The following TTC23L variants were observed in gnomAD, a reference collection of about 807,000 sequenced individuals.
TTC23L encodes tetratricopeptide repeat protein 23-like.
TTC23L carries 42 observed loss-of-function variants against 48.1 expected under a neutral mutation model. That is an observed-to-expected ratio of 0.87 (90% CI 0.68 to 1.13). TTC23L has a LOEUF of 1.13. Ranked by LOEUF, TTC23L falls within the 50% of genes most tolerant of loss-of-function variation. The probability of loss-of-function intolerance (pLI) is 0.00; values close to 1 mark genes in which losing one functional copy is unlikely to be tolerated. For missense variants in TTC23L, 391 were observed against 421.0 expected (o/e 0.93, Z 0.62); for synonymous variants, 159 against 157.2 (o/e 1.01, Z -0.09).
the TTC23L span, among the ~76,000 whole-genome samples, chr5:34,912,635 T>A: frequency 6.6e-6 from 1 of 152,210 alleles, no homozygotes; most frequent in Admixed American, 6.5e-5. Context: ...CTTAGTTTTA[T>A]ACCCACAGCA....
At chr5:34,911,757 C>T in the TTC23L span, 2 of 1,614,152 alleles carry the variant, frequency 1.2e-6, no homozygotes, top group South Asian at 2.2e-5. Context: ...CTTCCAGGAA[C>T]AGCATCAAAG....
the TTC23L span, chr5:34,917,995 T>G: frequency 6.4e-6 from 1 of 157,426 alleles, no homozygotes; most frequent in African/African-American, 2.4e-5. Flanking sequence ...TTGACTTGGT[T>G]ATGAGCTACT....
chr5:34,896,720 A>G, intron 9 of TTC23L, 50 bp from the exon 10 acceptor site: 1 of 761,638 alleles, frequency 1.3e-6, no homozygotes, highest in Non-Finnish European at 2.4e-6. Context: ...AATCTATGAG[A>G]ATTGGAAAAC....
At chr5:34,857,526 A>G (rs1331198363) in intron 4 of TTC23L, among the ~76,000 whole-genome samples, 1 of 152,200 alleles carries the variant, frequency 6.6e-6, no homozygotes, top group Non-Finnish European at 1.5e-5. Context: ...TACCTACCTG[A>G]AGTGAGTCTG....
chr5:34,845,724 T>C, intron 3 of TTC23L, 51 bp downstream of exon 3: 1 of 1,526,972 alleles, frequency 6.5e-7, no homozygotes, highest in Non-Finnish European at 8.8e-7. Context: ...AATATGTTCC[T>C]GTTTAGAGAA....
At position 34,877,585 on chromosome 5, in the gene TTC23L, G is replaced by C. The variant is rs537453244; in HGVS notation, c.950-2596G>C. Among the ~76,000 whole-genome samples, 70 of 151,924 alleles carry C rather than the reference G, an allele frequency of 4.6e-4. 1 individual carries two copies. Among genetic ancestry groups the C allele is most frequent in the Non-Finnish European group, 6.6e-4 (45 of 67,936 alleles). Reference sequence around the variant, plus strand: ...ATTACAGGCACCTGCCACCATGCCTGGCTAATTTTTGTATTTTTAGTAGAG... The same window carrying C: ...ATTACAGGCACCTGCCACCATGCCTCGCTAATTTTTGTATTTTTAGTAGAG... On this transcript the variant is annotated intron_variant, in intron 8 of 10. Coordinates refer to ENST00000505624, the Ensembl canonical transcript of TTC23L.
In TTC23L at chr5:34,858,324, TACTTAG is replaced by T. The variant is rs1760294769; in HGVS notation, c.380-4567_380-4562del. 2.6e-5 allele frequency among the ~76,000 whole-genome samples: 4 copies of T among 152,348 alleles called. No individual in the cohort carries two copies. The South Asian group carries it at 8.3e-4, about 32-fold the overall frequency. On this transcript the variant is annotated intron_variant, in intron 4 of 10. Transcript: ENST00000505624. ...GAGAGTTTTTACATGAAAGAGGACGTACTTAGACTTAGTAAATGTAAATTCATTTCA... is the reference window on the plus strand; with the variant it reads ...GAGAGTTTTTACATGAAAGAGGACGTACTTAGTAAATGTAAATTCATTTCA...
chr5:34,890,414 C>T (rs1265699709), intron 9 of TTC23L, among the ~76,000 whole-genome samples: 3 of 140,284 alleles, frequency 2.1e-5, no homozygotes, highest in African/African-American at 8.1e-5. Flanking sequence ...TGCACTCCAG[C>T]CTAGGTAACA....
intron 8 of TTC23L, among the ~76,000 whole-genome samples, chr5:34,878,563 C>A (rs1762012958): frequency 6.6e-6 from 1 of 152,124 alleles, no homozygotes; most frequent in Admixed American, 6.5e-5. Flanking sequence ...CATGGAAGAA[C>A]AAAGTTGGAG....
At chr5:34,845,368 C>T (rs336486) in intron 2 of TTC23L, 119 bp from the exon 3 acceptor site, 15 of 1,016,738 alleles carry the variant, frequency 1.5e-5, no homozygotes, top group Non-Finnish European at 2.1e-5. Flanking sequence ...TTATTCCTTC[C>T]GGTTTATGTT....
intron 7 of TTC23L, 99 bp downstream of exon 7, chr5:34,867,168 C>T (rs1195215289): frequency 1.1e-5 from 14 of 1,253,318 alleles, no homozygotes; most frequent in Non-Finnish European, 1.6e-5. Flanking sequence ...AGAACAAGGG[C>T]TGGAATTGAT....
chr5:34,864,379 C>A lies in TTC23L; in HGVS notation c.537-58C>A, dbSNP rs547479058. ...GCCCCTTTTGTTTCCTTATCACCTGCTGTCCCTGTGCAGTGGATGTTAGTT... is the reference window on the plus strand; with the variant it reads ...GCCCCTTTTGTTTCCTTATCACCTGATGTCCCTGTGCAGTGGATGTTAGTT... On this transcript the variant is annotated intron_variant, in intron 5 of 10. Coordinates refer to ENST00000505624, the Ensembl canonical transcript of TTC23L. The A allele has an allele frequency of 1.0e-3, 1,637 of 1,578,580 alleles. 1 individual carries two copies. The highest frequency in any genetic ancestry group is 1.3e-3 in the Non-Finnish European group (1,536 of 1,163,760).
At chr5:34,848,272 G>A (rs1297854358) in intron 3 of TTC23L, among the ~76,000 whole-genome samples, 1 of 152,170 alleles carries the variant, frequency 6.6e-6, no homozygotes, top group Non-Finnish European at 1.5e-5. Context: ...TGAAATATAT[G>A]ACTTGAAGAT....
At chr5:34,915,934 C>A in the TTC23L span, 1 of 1,498,316 alleles carries the variant, frequency 6.7e-7, no homozygotes, top group African/African-American at 1.4e-5. Context: ...CCTGCGGCGG[C>A]GGCTCTGTGC....
intron 2 of TTC23L, among the ~76,000 whole-genome samples, chr5:34,845,136 C>A (rs547031896): frequency 1.3e-5 from 2 of 152,200 alleles, no homozygotes; most frequent in African/African-American, 4.8e-5. Context: ...TAGTGAATGT[C>A]ACACACTGTG....
At chr5:34,908,743 A>T in the TTC23L span, 1 of 1,562,104 alleles carries the variant, frequency 6.4e-7, no homozygotes, top group South Asian at 1.1e-5. Context: ...ATGTACACAT[A>T]AATATCAGTG....
chr5:34,846,090 A>G (rs1442395917), intron 3 of TTC23L, among the ~76,000 whole-genome samples: 3 of 152,180 alleles, frequency 2.0e-5, no homozygotes, highest in African/African-American at 7.2e-5. Flanking sequence ...AAGCTGAGAC[A>G]GGATAGCAGC....
At chr5:34,894,874 G>A (rs899903551) in intron 9 of TTC23L, among the ~76,000 whole-genome samples, 3 of 148,306 alleles carry the variant, frequency 2.0e-5, no homozygotes, top group African/African-American at 7.7e-5. Context: ...TAGAGATGAT[G>A]AGAGTGTTAA....
chr5:34,908,903 T>C, the TTC23L span: 5 of 1,612,024 alleles, frequency 3.1e-6, no homozygotes, highest in African/African-American at 4.0e-5. Context: ...CCTTACAAGA[T>C]AGGACTAATG....
Sources: gnomAD v4.1 joint callset for allele counts (sites outside exome capture counted in the v4.1 genomes callset) on GRCh38, gnomAD v4.1.1 for gene constraint, MANE v1.5 for transcripts, NCBI Gene and HGNC (gene_info 2026-07-23, HGNC 2026-07-21) for gene names.